The following BNC2 variants were observed in gnomAD, a reference collection of about 807,000 sequenced individuals.
The protein encoded by BNC2 is zinc finger protein basonuclin-2.
BNC2 carries 20 observed loss-of-function variants against 76.3 expected under a neutral mutation model. The ratio of observed to expected loss-of-function variants is 0.26; its 90% CI spans 0.18 to 0.38. The LOEUF (loss-of-function observed/expected upper bound fraction) is 0.38, where lower values mean the gene tolerates loss of function less well. Ranked by LOEUF, BNC2 falls within the 10% of genes least tolerant of loss-of-function variation. BNC2 has a pLI of 1.00. For synonymous variants in BNC2, 582 were observed against 514.8 expected, an observed-to-expected ratio of 1.13 and a Z score of -1.77; for missense variants, 1,382 against 1,399.8, an observed-to-expected ratio of 0.99 and a Z score of 0.20.
chr9:16,634,746 C>G (rs946799616), intron 3 of BNC2, among the ~76,000 whole-genome samples: 14 of 152,070 alleles, frequency 9.2e-5, no homozygotes, highest in African/African-American at 3.4e-4. Flanking sequence ...TGTGATCTAC[C>G]CGCCTCAGCC....
At chr9:16,849,207 T>C (rs963001912) in intron 1 of BNC2, among the ~76,000 whole-genome samples, 1 of 152,088 alleles carries the variant, frequency 6.6e-6, no homozygotes. Flanking sequence ...CATTTCTTTT[T>C]ATTTCCCGAA....
intron 5 of BNC2, among the ~76,000 whole-genome samples, chr9:16,506,514 T>TTTTG: frequency 8.1e-5 from 1 of 12,304 alleles, no homozygotes; most frequent in Non-Finnish European, 2.0e-4. Context: ...CTCTCTCCTC[T>TTTTG]TTTTTTTTTT....
intron 5 of BNC2, among the ~76,000 whole-genome samples, chr9:16,462,099 T>G (rs1821595476): frequency 6.6e-6 from 1 of 152,180 alleles, no homozygotes; most frequent in Non-Finnish European, 1.5e-5. Context: ...CATTGGCAAG[T>G]CTATGGATTG....
chr9:16,832,402 A>G, intron 1 of BNC2: 1 of 790,900 alleles, frequency 1.3e-6, no homozygotes. Flanking sequence ...TTAGAGGCCT[A>G]GAAGAGTTCC....
At chr9:16,863,162 C>T (rs930211472) in intron 1 of BNC2, among the ~76,000 whole-genome samples, 1 of 152,056 alleles carries the variant, frequency 6.6e-6, no homozygotes, top group East Asian at 2.0e-4. Context: ...ATCCACCCAC[C>T]TGAGCCTCCC....
chr9:16,861,938 G>A (rs909939196), intron 1 of BNC2, among the ~76,000 whole-genome samples: 8 of 151,618 alleles, frequency 5.3e-5, no homozygotes, highest in African/African-American at 1.5e-4. Context: ...GCAGTGAGCC[G>A]AGATTGCACC....
At chr9:16,443,408 C>G (rs1384916045) in intron 5 of BNC2, among the ~76,000 whole-genome samples, 2 of 152,104 alleles carry the variant, frequency 1.3e-5, no homozygotes, top group Admixed American at 6.5e-5. Context: ...CTTTTCTATT[C>G]TTTTTCCTTC....
intron 1 of BNC2, among the ~76,000 whole-genome samples, chr9:16,817,160 G>C (rs1015269428): frequency 2.0e-5 from 3 of 152,126 alleles, no homozygotes; most frequent in Admixed American, 6.5e-5. Flanking sequence ...AGGGATCTCA[G>C]GTAACAAACA....
In BNC2 at chr9:16,476,258, G is replaced by C. The variant is rs534259023; in HGVS notation, c.670-38734C>G. 3 of 152,292 alleles carry C rather than the reference G, an allele frequency of 2.0e-5. No homozygotes were observed. The East Asian group carries it at 5.8e-4, about 30-fold the overall frequency. The allele number at this position is 152,292 out of a possible 1,614,324, so 9.4% of individuals were successfully genotyped here. On this transcript the variant is annotated intron_variant, in intron 5 of 6. Transcript: ENST00000380672. Reference sequence around the variant, plus strand: ...TACTCCCCTGTGGAAGATAATCCTAGGGAAGTTCTGGAAGAAGTATTAAAA... The same window carrying C: ...TACTCCCCTGTGGAAGATAATCCTACGGAAGTTCTGGAAGAAGTATTAAAA...
intron 6 of BNC2, among the ~76,000 whole-genome samples, chr9:16,420,354 A>T (rs964171472): frequency 1.3e-5 from 2 of 152,130 alleles, no homozygotes; most frequent in Non-Finnish European, 2.9e-5. Flanking sequence ...AATAAAATAC[A>T]TTTACTTTTT....
At chr9:16,555,089 G>A (rs1464715021) in intron 4 of BNC2, among the ~76,000 whole-genome samples, 8 of 150,584 alleles carry the variant, frequency 5.3e-5, no homozygotes, top group Non-Finnish European at 1.0e-4. Flanking sequence ...GCGCGATCTC[G>A]GCTCACTGCA....
intron 6 of BNC2, among the ~76,000 whole-genome samples, chr9:16,426,141 C>T (rs573320525): frequency 6.6e-6 from 1 of 152,300 alleles, no homozygotes; most frequent in South Asian, 2.1e-4. Flanking sequence ...GCCATGAGCC[C>T]TGGCATCTTT....
chr9:16,502,377 T>A (rs929010962), intron 5 of BNC2, among the ~76,000 whole-genome samples: 2 of 152,104 alleles, frequency 1.3e-5, no homozygotes, highest in Non-Finnish European at 2.9e-5. Flanking sequence ...CTAAAAAGTT[T>A]TGAATATAGG....
chr9:16,860,319 T>C (rs1211569317), intron 1 of BNC2, among the ~76,000 whole-genome samples: 1 of 152,138 alleles, frequency 6.6e-6, no homozygotes, highest in African/African-American at 2.4e-5. Flanking sequence ...GACAGTGTGG[T>C]ACTGGCACAA....
intron 1 of BNC2, among the ~76,000 whole-genome samples, chr9:16,808,902 C>T (rs1287872034): frequency 6.6e-6 from 1 of 151,892 alleles, no homozygotes; most frequent in African/African-American, 2.4e-5. Flanking sequence ...CTCCTACTTC[C>T]CAGACCAAAA....
intron 1 of BNC2, among the ~76,000 whole-genome samples, chr9:16,798,098 G>A (rs1383459741): frequency 6.6e-6 from 1 of 152,128 alleles, no homozygotes; most frequent in African/African-American, 2.4e-5. Context: ...GAAGTGTGAA[G>A]GAAAAGTTGG....
chr9:16,782,398 T>G lies in BNC2; in HGVS notation c.4-43913A>C, dbSNP rs141670028. 6.5e-3 allele frequency among the ~76,000 whole-genome samples: 990 copies of G among 152,290 alleles called. 16 individuals carry two copies. The highest frequency in any genetic ancestry group is 0.023 in the African/African-American group (941 of 41,554). ...TCAATAAGTTTGTAGTCATTTTTCA[T>G]CTCCTCATCAAGTAAAATGCAGAGG... On this transcript the variant is annotated intron_variant, in intron 1 of 6. Transcript: ENST00000380672.
intron 5 of BNC2, among the ~76,000 whole-genome samples, chr9:16,497,974 C>T (rs1269228421): frequency 3.4e-5 from 3 of 89,344 alleles, no homozygotes; most frequent in African/African-American, 1.0e-4. Flanking sequence ...GATAAAGAAA[C>T]TGTGGTGTGT....
chr9:16,479,873 C>G (rs1822009831), intron 5 of BNC2, among the ~76,000 whole-genome samples: 1 of 152,124 alleles, frequency 6.6e-6, no homozygotes, highest in African/African-American at 2.4e-5. Flanking sequence ...AACAGCTTAA[C>G]CTTTGGAAGA....
Sources: gnomAD v4.1 joint callset for allele counts (sites outside exome capture counted in the v4.1 genomes callset) on GRCh38, gnomAD v4.1.1 for gene constraint, MANE v1.5 for transcripts, NCBI Gene and HGNC (gene_info 2026-07-23, HGNC 2026-07-21) for gene names.